SEMA3C: variants seen among roughly 807,000 people sequenced by gnomAD.
SEMA3C encodes semaphorin 3C.
SEMA3C carries 47 observed loss-of-function variants against 89.4 expected under a neutral mutation model. That is an observed-to-expected ratio of 0.53 (90% CI 0.42 to 0.67). The LOEUF is 0.67. SEMA3C is among the 30% of genes least tolerant of loss of function. The probability of loss-of-function intolerance (pLI) is 0.00; values close to 1 mark genes in which losing one functional copy is unlikely to be tolerated. For synonymous variants in SEMA3C, 310 were observed against 320.2 expected (o/e 0.97, Z 0.34); for missense variants, 839 against 929.1 (o/e 0.90, Z 1.26).
chr7:80,795,728 A>G (rs1288546583), intron 11 of SEMA3C, among the ~76,000 whole-genome samples: 2 of 152,214 alleles, frequency 1.3e-5, no homozygotes, highest in East Asian at 3.9e-4. Flanking sequence ...TACACCTGTT[A>G]AGGTGCCTTT....
At chr7:80,830,717 A>G (rs1263955187) in intron 2 of SEMA3C, among the ~76,000 whole-genome samples, 1 of 152,188 alleles carries the variant, frequency 6.6e-6, no homozygotes, top group Admixed American at 6.5e-5. Flanking sequence ...GGTGCTGAGC[A>G]TGGTGCAGCC....
intron 17 of SEMA3C, among the ~76,000 whole-genome samples, chr7:80,747,927 G>A (rs1376669059): frequency 2.0e-5 from 3 of 152,022 alleles, no homozygotes; most frequent in Admixed American, 6.6e-5. Context: ...TCTGAGAGTC[G>A]GAGAGTATTT....
chr7:80,918,990 G>A lies in SEMA3C; in HGVS notation c.-201C>T. ...TGAGTTTCTTTGTAAAGGAATCTCA[G>A]CGCTGCAGTGCCGCGGCACCCGGAG... On this transcript the variant is annotated 5_prime_UTR_variant, in exon 1 of 18. Transcript: ENST00000265361. 1.0e-6 allele frequency: 1 copy of A among 985,360 alleles called. No homozygotes were observed. Among genetic ancestry groups the A allele is most frequent in the Non-Finnish European group, 1.2e-6 (1 of 829,900 alleles). The allele number at this position is 985,360 out of a possible 1,614,324, so 61.0% of individuals were successfully genotyped here. A position where few individuals can be genotyped will look rare whatever the true frequency, so the allele number is the denominator to read the frequency against.
intron 11 of SEMA3C, among the ~76,000 whole-genome samples, chr7:80,797,152 C>A (rs1162214032): frequency 6.7e-6 from 1 of 149,832 alleles, no homozygotes; most frequent in Non-Finnish European, 1.5e-5. Flanking sequence ...TAATTATAGC[C>A]CTATTTTATG....
chr7:80,798,052 T>C, intron 11 of SEMA3C, 40 bp downstream of exon 11: 1 of 1,568,858 alleles, frequency 6.4e-7, no homozygotes, highest in African/African-American at 1.4e-5. Context: ...AATGAGTTTT[T>C]ATAAAGCATC....
intron 2 of SEMA3C, among the ~76,000 whole-genome samples, chr7:80,842,877 A>G (rs1203408556): frequency 2.6e-5 from 4 of 152,172 alleles, no homozygotes; most frequent in Non-Finnish European, 5.9e-5. Flanking sequence ...AGAGACATAT[A>G]AACTGTATTC....
intron 8 of SEMA3C, 34 bp downstream of exon 8, chr7:80,804,072 T>C (rs375179428): frequency 2.6e-6 from 4 of 1,550,884 alleles, no homozygotes; most frequent in African/African-American, 2.7e-5. Flanking sequence ...AATTTCTTGG[T>C]CTTTCTTCAA....
At chr7:80,811,071 G>A (rs1013666900) in intron 5 of SEMA3C, among the ~76,000 whole-genome samples, 1 of 152,044 alleles carries the variant, frequency 6.6e-6, no homozygotes, top group African/African-American at 2.4e-5. Flanking sequence ...TCTATGTAAG[G>A]ACTATACTAT....
chr7:80,796,922 G>C (rs905692206), intron 11 of SEMA3C, among the ~76,000 whole-genome samples: 1 of 151,754 alleles, frequency 6.6e-6, no homozygotes, highest in Non-Finnish European at 1.5e-5. Context: ...ATTAACATTG[G>C]TATAATTTAA....
chr7:80,854,336 G>C (rs1057452041), intron 2 of SEMA3C, among the ~76,000 whole-genome samples: 4 of 152,154 alleles, frequency 2.6e-5, no homozygotes, highest in African/African-American at 9.7e-5. Flanking sequence ...AGGAAAAGGG[G>C]AGGCTCGCTG....
At chr7:80,909,530 T>C (rs1448266170) in intron 2 of SEMA3C, among the ~76,000 whole-genome samples, 1 of 152,188 alleles carries the variant, frequency 6.6e-6, no homozygotes, top group Admixed American at 6.5e-5. Context: ...ATCAAGAATC[T>C]TAAATGCTAG....
intron 2 of SEMA3C, among the ~76,000 whole-genome samples, chr7:80,863,809 TG>T (rs1790839589): frequency 4.2e-5 from 6 of 144,564 alleles, no homozygotes; most frequent in African/African-American, 1.6e-4. Context: ...GATATATATG[TG>T]ATACATATAT....
chr7:80,893,677 G>A (rs1791668521), intron 2 of SEMA3C, among the ~76,000 whole-genome samples: 1 of 151,972 alleles, frequency 6.6e-6, no homozygotes, highest in African/African-American at 2.4e-5. Context: ...GGAAGGCTTG[G>A]GTGGAGGGGT....
In SEMA3C at chr7:80,910,999, A is replaced by T. The variant is rs537271933; in HGVS notation, c.103+5680T>A. Reference sequence around the variant, plus strand: ...TAAGCACTGACTTGCTCGCATAGGCACAAAGGGAGATCTCAGTTACAGCAA... The same window carrying T: ...TAAGCACTGACTTGCTCGCATAGGCTCAAAGGGAGATCTCAGTTACAGCAA... On this transcript the variant is annotated intron_variant, in intron 2 of 17. Transcript: ENST00000265361. Among the ~76,000 whole-genome samples, 10 of 152,268 alleles carry T rather than the reference A, an allele frequency of 6.6e-5. No homozygotes were observed. The South Asian group carries it at 2.1e-3, about 32-fold the overall frequency.
intron 2 of SEMA3C, among the ~76,000 whole-genome samples, chr7:80,853,713 C>T (rs1024627984): frequency 6.6e-6 from 1 of 152,086 alleles, no homozygotes; most frequent in Non-Finnish European, 1.5e-5. Flanking sequence ...TTCGATAGCA[C>T]AACAGGCTAA....
chr7:80,791,662 T>C (rs1282290297), intron 11 of SEMA3C, among the ~76,000 whole-genome samples: 1 of 152,198 alleles, frequency 6.6e-6, no homozygotes, highest in East Asian at 1.9e-4. Context: ...ATCCTCGTGC[T>C]TCCAGACCTC....
intron 5 of SEMA3C, among the ~76,000 whole-genome samples, chr7:80,811,905 G>A (rs919526562): frequency 6.6e-6 from 1 of 152,124 alleles, no homozygotes; most frequent in African/African-American, 2.4e-5. Flanking sequence ...ACAGAGGTGG[G>A]CATCAGTTAT....
At chr7:80,847,186 G>C (rs1790410083) in intron 2 of SEMA3C, 1 of 152,150 alleles carries the variant, frequency 6.6e-6, no homozygotes, top group African/African-American at 2.4e-5. Flanking sequence ...GGATGAGGGA[G>C]ACAGAAACAA....
intron 2 of SEMA3C, among the ~76,000 whole-genome samples, chr7:80,905,087 A>C (rs1253446546): frequency 2.0e-5 from 3 of 151,820 alleles, no homozygotes; most frequent in Non-Finnish European, 4.4e-5. Context: ...TCTGTCAAGA[A>C]AGACATTTCT....
Sources: allele counts gnomAD v4.1 joint callset (sites outside exome capture counted in the v4.1 genomes callset), GRCh38; gene constraint gnomAD v4.1.1; transcripts MANE v1.5; gene names NCBI Gene and HGNC (gene_info 2026-07-23, HGNC 2026-07-21).